FOXP2: variants seen among roughly 807,000 people sequenced by gnomAD.
FOXP2 encodes the protein forkhead box P2.
Under a neutral mutation model 115.8 loss-of-function variants are expected in FOXP2, and 12 were observed. That is an observed-to-expected ratio of 0.10 (90% CI 0.07 to 0.17). The LOEUF (loss-of-function observed/expected upper bound fraction) is 0.17, where lower values mean the gene tolerates loss of function less well. FOXP2 is among the 10% of genes least tolerant of loss of function. The pLI, the probability that FOXP2 is intolerant of heterozygous loss-of-function variation, is 1.00. For synonymous variants in FOXP2, 328 were observed against 297.7 expected (o/e 1.10, Z -1.05); for missense variants, 629 against 843.5 (o/e 0.75, Z 3.15).
intron 1 of FOXP2, among the ~76,000 whole-genome samples, chr7:114,206,643 C>T (rs975940538): frequency 6.6e-5 from 10 of 152,134 alleles, no homozygotes; most frequent in African/African-American, 2.4e-4. Context: ...TATATTTCCT[C>T]TCTTCCTCTG....
In FOXP2 at chr7:114,522,525, T is replaced by C. The variant is rs116769457; in HGVS notation, c.169-12092T>C. On this transcript the variant is annotated intron_variant, in intron 2 of 16. Transcript: ENST00000350908. ...GTGGATATTTGTACATTTTTATTTA[T>C]ATACATATTTTCTACAATCATATTG... 2.3e-3 allele frequency among the ~76,000 whole-genome samples: 353 copies of C among 152,330 alleles called. 2 individuals are homozygous for C. Among genetic ancestry groups the C allele is most frequent in the African/African-American group, 7.9e-3 (328 of 41,586 alleles).
At chr7:114,664,801 A>G (rs1012768826) in intron 16 of FOXP2, 3 of 277,864 alleles carry the variant, frequency 1.1e-5, no homozygotes, top group African/African-American at 4.5e-5. Context: ...TATAATTTTT[A>G]CTACTGTTAC....
At chr7:114,572,013 C>T (rs1801330472) in intron 3 of FOXP2, among the ~76,000 whole-genome samples, 1 of 151,664 alleles carries the variant, frequency 6.6e-6, no homozygotes, top group African/African-American at 2.4e-5. Context: ...TGGCGAACAA[C>T]AACAAAATTA....
At chr7:114,337,728 G>T (rs1797889460) in intron 2 of FOXP2, among the ~76,000 whole-genome samples, 1 of 151,026 alleles carries the variant, frequency 6.6e-6, no homozygotes, top group Admixed American at 6.6e-5. Flanking sequence ...TTTTGTATTA[G>T]ATGAAAAATG....
In FOXP2 at chr7:114,691,574, A is replaced by G. The variant is rs1808668066; in HGVS notation, c.*1648A>G. The stretch of plus-strand genomic sequence containing the variant: ...ATAATGAGTTATGATGTAGTTGAAA[A>G]TAGCATAGTCAGATGTTTGCTTAAA... On this transcript the variant is annotated 3_prime_UTR_variant, in exon 17 of 17. Coordinates refer to ENST00000350908, the MANE Select transcript of FOXP2 (RefSeq NM_014491.4). 2.2e-6 allele frequency: 1 copy of G among 453,908 alleles called. No individual in the cohort carries two copies. The highest frequency in any genetic ancestry group is 1.6e-5 in the South Asian group (1 of 64,472). 28.1% of individuals were successfully genotyped at this position (453,908 alleles called of 1,614,324 possible).
At chr7:114,256,562 G>A (rs1345816144) in intron 1 of FOXP2, among the ~76,000 whole-genome samples, 1 of 152,076 alleles carries the variant, frequency 6.6e-6, no homozygotes, top group Non-Finnish European at 1.5e-5. Context: ...TGTTTGTCTT[G>A]TAAATTTGCT....
intron 2 of FOXP2, chr7:114,366,547 A>G (rs1209793237): frequency 1.3e-5 from 2 of 152,178 alleles, no homozygotes; most frequent in Non-Finnish European, 2.9e-5. Flanking sequence ...ATGTTTGTCA[A>G]TAAACTCATC....
At chr7:114,128,670 G>A (rs570576024) in intron 1 of FOXP2, among the ~76,000 whole-genome samples, 42 of 151,578 alleles carry the variant, frequency 2.8e-4, no homozygotes, top group African/African-American at 1.0e-3. Flanking sequence ...TATCTTTATG[G>A]TCCTGAACAT....
At chr7:114,224,075 C>T (rs541338647) in intron 1 of FOXP2, among the ~76,000 whole-genome samples, 6 of 152,028 alleles carry the variant, frequency 3.9e-5, no homozygotes, top group South Asian at 2.1e-4. Context: ...ATTTGGGCAC[C>T]GTTTTGAATA....
intron 1 of FOXP2, among the ~76,000 whole-genome samples, chr7:114,140,942 C>G (rs1341583549): frequency 6.6e-6 from 1 of 152,166 alleles, no homozygotes; most frequent in Admixed American, 6.5e-5. Context: ...TAAGACTTTG[C>G]AAAGTATTTG....
intron 1 of FOXP2, among the ~76,000 whole-genome samples, chr7:114,168,788 C>G (rs946459398): frequency 2.6e-5 from 4 of 152,068 alleles, no homozygotes; most frequent in Non-Finnish European, 5.9e-5. Context: ...GCCAGGAAGC[C>G]TAGGAGGAGA....
intron 1 of FOXP2, among the ~76,000 whole-genome samples, chr7:114,146,207 T>G (rs1204576635): frequency 6.6e-6 from 1 of 152,170 alleles, no homozygotes; most frequent in Non-Finnish European, 1.5e-5. Flanking sequence ...TTTTTTGAAT[T>G]TTTACATGTG....
chr7:114,631,199 C>T (rs1027960457), intron 5 of FOXP2, among the ~76,000 whole-genome samples: 7 of 151,396 alleles, frequency 4.6e-5, no homozygotes, highest in Non-Finnish European at 8.8e-5. Context: ...TTGACTATTT[C>T]TGTAAAGTAG....
intron 2 of FOXP2, among the ~76,000 whole-genome samples, chr7:114,383,092 A>C (rs1311280867): frequency 6.6e-6 from 1 of 151,896 alleles, no homozygotes; most frequent in Non-Finnish European, 1.5e-5. Flanking sequence ...AGATCGCCAA[A>C]CTCTTGGGTT....
chr7:114,454,770 C>CA (rs1393400781), intron 2 of FOXP2, among the ~76,000 whole-genome samples: 2 of 130,132 alleles, frequency 1.5e-5, no homozygotes, highest in East Asian at 4.1e-4. Flanking sequence ...ATCACAAGAA[C>CA]AAAAAACCAA....
intron 1 of FOXP2, among the ~76,000 whole-genome samples, chr7:114,258,111 A>G (rs1795666406): frequency 6.6e-6 from 1 of 152,192 alleles, no homozygotes; most frequent in Non-Finnish European, 1.5e-5. Flanking sequence ...TTGAGAATAG[A>G]CAGTGGGATC....
At chr7:114,260,539 A>G (rs1229807490) in intron 1 of FOXP2, among the ~76,000 whole-genome samples, 3 of 152,132 alleles carry the variant, frequency 2.0e-5, no homozygotes, top group Non-Finnish European at 2.9e-5. Context: ...TTTAAAAAAA[A>G]TTGGACTGAA....
At chr7:114,352,852 A>T (rs913470115) in intron 2 of FOXP2, among the ~76,000 whole-genome samples, 8 of 152,164 alleles carry the variant, frequency 5.3e-5, no homozygotes, top group Non-Finnish European at 1.2e-4. Context: ...AATAATTCTA[A>T]TAGTTTAAAA....
intron 3 of FOXP2, among the ~76,000 whole-genome samples, chr7:114,545,201 C>T (rs1490227669): frequency 6.6e-6 from 1 of 152,174 alleles, no homozygotes; most frequent in African/African-American, 2.4e-5. Flanking sequence ...GATTTTCCCT[C>T]TCTGGGATTC....
Sources: allele counts gnomAD v4.1 joint callset (sites outside exome capture counted in the v4.1 genomes callset), GRCh38; gene constraint gnomAD v4.1.1; transcripts MANE v1.5; gene names NCBI Gene and HGNC (gene_info 2026-07-23, HGNC 2026-07-21).